MIPEP: variants seen among roughly 807,000 people sequenced by gnomAD.
MIPEP encodes the protein mitochondrial intermediate peptidase.
A neutral mutation model predicts 90.3 loss-of-function variants in MIPEP; 79 were observed. The observed-to-expected ratio is 0.87, with a 90% confidence interval of 0.73 to 1.05. MIPEP has a LOEUF of 1.05. MIPEP is among the 50% of genes least tolerant of loss of function. The pLI is 0.00. For synonymous variants in MIPEP, 334 were observed against 315.8 expected, an observed-to-expected ratio of 1.06 and a Z score of -0.61; for missense variants, 940 against 905.6, an observed-to-expected ratio of 1.04 and a Z score of -0.49.
intron 6 of MIPEP, 90 bp from the exon 7 acceptor site, chr13:23,869,538 T>C: frequency 8.4e-7 from 1 of 1,184,026 alleles, no homozygotes; most frequent in Non-Finnish European, 1.2e-6. Flanking sequence ...CCACTTGATC[T>C]GCAGATGATC....
At chr13:23,747,829 C>T (rs1306347272) in intron 18 of MIPEP, among the ~76,000 whole-genome samples, 1 of 152,182 alleles carries the variant, frequency 6.6e-6, no homozygotes, top group Non-Finnish European at 1.5e-5. Flanking sequence ...CAACCTCTGC[C>T]TCCCGGGTTC....
chr13:23,875,559 T>A (rs7329449), intron 4 of MIPEP, among the ~76,000 whole-genome samples: 5,814 of 151,668 alleles, frequency 0.038, 346 homozygotes, highest in African/African-American at 0.13. Context: ...GTATTTTTTT[T>A]AAAAAAAACC....
intron 13 of MIPEP, among the ~76,000 whole-genome samples, chr13:23,836,703 TA>T (rs1439339577): frequency 2.0e-5 from 3 of 152,264 alleles, no homozygotes; most frequent in Non-Finnish European, 4.4e-5. Context: ...TTTAATTCAC[TA>T]AATTCCATTA....
chr13:23,731,472 A>G (rs1952203833), intron 18 of MIPEP, among the ~76,000 whole-genome samples: 1 of 152,204 alleles, frequency 6.6e-6, no homozygotes, highest in South Asian at 2.1e-4. Context: ...CTTGACTCCT[A>G]CTGCATACCA....
At chr13:23,819,935 G>T (rs1249120434) in intron 14 of MIPEP, among the ~76,000 whole-genome samples, 5 of 151,952 alleles carry the variant, frequency 3.3e-5, no homozygotes, top group African/African-American at 1.2e-4. Context: ...CTTGAACCTA[G>T]GAGGCAGAGG....
At chr13:23,739,702 T>C (rs1265316882) in intron 18 of MIPEP, among the ~76,000 whole-genome samples, 1 of 152,228 alleles carries the variant, frequency 6.6e-6, no homozygotes, top group Non-Finnish European at 1.5e-5. Flanking sequence ...CTGAGATAAA[T>C]GCCTCTGCCT....
chr13:23,820,026 G>GA (rs111566930), intron 14 of MIPEP, among the ~76,000 whole-genome samples: 17,667 of 151,452 alleles, frequency 0.12, 1,190 homozygotes, highest in Non-Finnish European at 0.14. Flanking sequence ...AAAAAAAAAG[G>GA]AAAAAAACCT....
chr13:23,770,954 T>C (rs1952643548), intron 16 of MIPEP, among the ~76,000 whole-genome samples: 1 of 152,110 alleles, frequency 6.6e-6, no homozygotes, highest in African/African-American at 2.4e-5. Context: ...GCATAAACAC[T>C]AGGCACAGAG....
At chr13:23,744,148 G>A (rs1952360351) in intron 18 of MIPEP, among the ~76,000 whole-genome samples, 1 of 152,172 alleles carries the variant, frequency 6.6e-6, no homozygotes, top group African/African-American at 2.4e-5. Flanking sequence ...GTGCGTTCAT[G>A]CCTTTACATT....
Position 23,799,000 on chromosome 13 carries a change from GTTTTTTTT to G in MIPEP, c.1848+6942_1848+6949del, listed in dbSNP as rs765292524. Among the ~76,000 whole-genome samples the G allele has an allele frequency of 6.4e-3, 570 of 88,924 alleles. 5 individuals are homozygous for G. Among genetic ancestry groups the G allele is most frequent in the African/African-American group, 0.025 (532 of 21,264 alleles). The allele number at this position is 88,924 out of a possible 152,430, so 58.3% of individuals were successfully genotyped here. On this transcript the variant is annotated intron_variant, in intron 16 of 18. Coordinates refer to ENST00000382172, the MANE Select transcript of MIPEP (RefSeq NM_005932.4). ...AGGGTAAATTAGAATAATTTTTTTG[GTTTTTTTT>G]TTTTTTTTTTTTTTTGACAGAGTCT...
At chr13:23,821,891 C>A (rs539409868) in intron 14 of MIPEP, among the ~76,000 whole-genome samples, 1 of 151,782 alleles carries the variant, frequency 6.6e-6, no homozygotes, top group South Asian at 2.1e-4. Flanking sequence ...CTATTTTTTC[C>A]AAGTATTTTT....
chr13:23,822,745 C>T lies in MIPEP; in HGVS notation c.1654-12821G>A, dbSNP rs115626978. On this transcript the variant is annotated intron_variant, in intron 14 of 18. Transcript: ENST00000382172. Reference sequence around the variant, plus strand: ...GAAAATGAAAGACTATAAAACTGACCTCCTTCTTATATTAAGAAGGTAAAA... The same window carrying T: ...GAAAATGAAAGACTATAAAACTGACTTCCTTCTTATATTAAGAAGGTAAAA... 8.7e-3 allele frequency among the ~76,000 whole-genome samples: 1,324 copies of T among 151,872 alleles called. 18 individuals carry two copies. Among genetic ancestry groups the T allele is most frequent in the African/African-American group, 0.031 (1,280 of 41,464 alleles).
chr13:23,815,732 C>T (rs1399139723), intron 14 of MIPEP, among the ~76,000 whole-genome samples: 1 of 151,984 alleles, frequency 6.6e-6, no homozygotes, highest in Admixed American at 6.6e-5. Context: ...TTAAGGTTTA[C>T]AAAAAAACCC....
intron 14 of MIPEP, among the ~76,000 whole-genome samples, chr13:23,833,220 A>G (rs2137448655): frequency 6.6e-6 from 1 of 152,342 alleles, no homozygotes; most frequent in East Asian, 1.9e-4. Context: ...CCTTAAGGCT[A>G]GGACTGCACT....
Position 23,870,192 on chromosome 13 carries a change from T to C in MIPEP, c.607A>G (p.Lys203Glu). 6.3e-7 allele frequency: 1 copy of C among 1,595,832 alleles called. No individual in the cohort carries two copies. The change falls in exon 6 of 19, where the codon AAA (lysine) becomes GAA (glutamate). Residue 203 changes from lysine to glutamate, a missense_variant. By Grantham distance (56) the Lys-to-Glu change is moderately conservative. Transcript: ENST00000382172. ...TTAACATTGAGGTCCACTGCTCTTT[T>C]ACGCTGTATGCAGGAGGAGTAAAAG... ...SGIHLDKEKR[K>E]RAVDLNVKIL...
At chr13:23,861,145 G>C (rs144362415) in intron 9 of MIPEP, among the ~76,000 whole-genome samples, 1 of 152,100 alleles carries the variant, frequency 6.6e-6, no homozygotes, top group Non-Finnish European at 1.5e-5. Flanking sequence ...CAGAGCAGCA[G>C]GGTGAATGGT....
intron 14 of MIPEP, among the ~76,000 whole-genome samples, chr13:23,821,541 C>T (rs563491600): frequency 5.1e-4 from 78 of 152,258 alleles, no homozygotes; most frequent in Non-Finnish European, 9.6e-4. Context: ...TCATCTTCAC[C>T]GAGCATCCCA....
At chr13:23,773,211 A>G (rs1371877649) in intron 16 of MIPEP, among the ~76,000 whole-genome samples, 3 of 152,332 alleles carry the variant, frequency 2.0e-5, no homozygotes, top group Admixed American at 1.3e-4. Flanking sequence ...GACATTTCAT[A>G]TAAATGAAAT....
chr13:23,786,886 CAG>C (rs1464039656), intron 16 of MIPEP, among the ~76,000 whole-genome samples: 1 of 152,144 alleles, frequency 6.6e-6, no homozygotes, highest in African/African-American at 2.4e-5. Flanking sequence ...GTCAAGTGCA[CAG>C]AGTTATGCAG....
Sources: allele counts gnomAD v4.1 joint callset (sites outside exome capture counted in the v4.1 genomes callset), GRCh38; gene constraint gnomAD v4.1.1; transcripts MANE v1.5; gene names NCBI Gene and HGNC (gene_info 2026-07-23, HGNC 2026-07-21).